Variants in RGS6 observed in about 807,000 individuals in gnomAD.
RGS6 encodes regulator of G-protein signaling 6.
In RGS6, 30 loss-of-function variants were observed where a neutral mutation model predicts 78.5. The ratio of observed to expected loss-of-function variants is 0.38; its 90% CI spans 0.29 to 0.52. The LOEUF (loss-of-function observed/expected upper bound fraction) is 0.52. RGS6 is among the 20% of genes least tolerant of loss of function. The pLI, the probability that RGS6 is intolerant of heterozygous loss-of-function variation, is 0.85. For missense variants in RGS6, 495 were observed against 609.7 expected (o/e 0.81, Z 1.98); for synonymous variants, 206 against 206.0 (o/e 1.00, Z 0.00).
intron 3 of RGS6, among the ~76,000 whole-genome samples, chr14:72,368,258 C>A (rs575387007): frequency 1.2e-3 from 187 of 152,234 alleles, no homozygotes; most frequent in African/African-American, 4.3e-3. Flanking sequence ...GAACCCACTC[C>A]TTGGATAGCT....
intron 3 of RGS6, among the ~76,000 whole-genome samples, chr14:72,449,965 CTCTT>C (rs1323226491): frequency 6.6e-6 from 1 of 152,212 alleles, no homozygotes; most frequent in Admixed American, 6.5e-5. Context: ...CAGAGGCCAG[CTCTT>C]TCTTCTCTCT....
At chr14:72,292,667 G>A (rs1208598722) in intron 2 of RGS6, among the ~76,000 whole-genome samples, 1 of 152,224 alleles carries the variant, frequency 6.6e-6, no homozygotes, top group East Asian at 1.9e-4. Flanking sequence ...CTTTCTGCAA[G>A]ATGAACTGAA....
chr14:71,981,640 C>G lies in RGS6; in HGVS notation c.84+16765C>G, dbSNP rs546244295. Among the ~76,000 whole-genome samples the G allele has an allele frequency of 8.6e-5, 13 of 151,750 alleles. No homozygotes were observed. In the East Asian group the frequency reaches 1.7e-3, roughly 20 times the overall value. On this transcript the variant is annotated intron_variant, in intron 2 of 17. Coordinates refer to ENST00000553525, the MANE Select transcript of RGS6 (RefSeq NM_001204424.2). ...GACCTACTTGAGGAGGCAGTCTGCC[C>G]GTTCTCAGATCTCCAGCTGCGTGCT...
At chr14:71,975,828 G>C (rs1006922811) in intron 2 of RGS6, among the ~76,000 whole-genome samples, 2 of 152,010 alleles carry the variant, frequency 1.3e-5, no homozygotes, top group African/African-American at 4.8e-5. Context: ...CTCTCTTCTT[G>C]GGATTGTGTT....
intron 16 of RGS6, among the ~76,000 whole-genome samples, chr14:72,537,998 G>A (rs1206749355): frequency 3.3e-5 from 5 of 152,218 alleles, no homozygotes; most frequent in Non-Finnish European, 5.9e-5. Flanking sequence ...CCTGGGAAAA[G>A]TTCCTTAGAG....
the RGS6 span, among the ~76,000 whole-genome samples, chr14:72,597,420 C>T: frequency 1.3e-5 from 2 of 152,194 alleles, no homozygotes; most frequent in African/African-American, 4.8e-5. Flanking sequence ...GGGCATTTGC[C>T]CAGCACCTGG....
intron 2 of RGS6, among the ~76,000 whole-genome samples, chr14:72,127,151 G>A (rs527385703): frequency 1.3e-5 from 2 of 152,306 alleles, no homozygotes; most frequent in African/African-American, 4.8e-5. Context: ...CTACCCAAGT[G>A]AGGAGACGAG....
At chr14:72,448,686 A>G (rs961747082) in intron 3 of RGS6, among the ~76,000 whole-genome samples, 3 of 152,300 alleles carry the variant, frequency 2.0e-5, no homozygotes, top group Non-Finnish European at 4.4e-5. Flanking sequence ...AATAGTACCA[A>G]TTATTATTAT....
At chr14:72,226,544 T>C (rs1009313303) in intron 2 of RGS6, among the ~76,000 whole-genome samples, 7 of 152,228 alleles carry the variant, frequency 4.6e-5, no homozygotes, top group African/African-American at 1.7e-4. Flanking sequence ...GCATATGCTG[T>C]GTAGTATCTC....
chr14:71,947,937 A>G (rs2091775574), intron 1 of RGS6, among the ~76,000 whole-genome samples: 1 of 152,192 alleles, frequency 6.6e-6, no homozygotes, highest in South Asian at 2.1e-4. Flanking sequence ...TAGTGTTGAT[A>G]GTGATGGGGA....
chr14:71,937,631 C>T (rs2089707039), intron 1 of RGS6, among the ~76,000 whole-genome samples: 1 of 152,160 alleles, frequency 6.6e-6, no homozygotes, highest in Admixed American at 6.5e-5. Context: ...AGCATGAACC[C>T]ACTGCCACAC....
At chr14:71,914,392 C>T in the RGS6 span, among the ~76,000 whole-genome samples, 3 of 152,174 alleles carry the variant, frequency 2.0e-5, no homozygotes, top group African/African-American at 7.2e-5. Context: ...GGAACCTACA[C>T]CAATGACCAA....
At chr14:72,028,570 G>C (rs796743665) in intron 2 of RGS6, among the ~76,000 whole-genome samples, 9 of 152,308 alleles carry the variant, frequency 5.9e-5, no homozygotes, top group African/African-American at 2.2e-4. Context: ...ATATCCTCAT[G>C]GTATGGTTTC....
At chr14:72,195,818 C>T (rs902195691) in intron 2 of RGS6, among the ~76,000 whole-genome samples, 1 of 152,210 alleles carries the variant, frequency 6.6e-6, no homozygotes. Flanking sequence ...GAGCCCTTTG[C>T]GTTTGCCAGT....
At chr14:72,460,797 G>A (rs1002434063) in intron 6 of RGS6, among the ~76,000 whole-genome samples, 2 of 152,114 alleles carry the variant, frequency 1.3e-5, no homozygotes, top group African/African-American at 4.8e-5. Flanking sequence ...AGGGAGATGT[G>A]CAGCTGGGTG....
the RGS6 span, among the ~76,000 whole-genome samples, chr14:71,879,370 G>A: frequency 6.6e-6 from 1 of 152,150 alleles, no homozygotes; most frequent in Non-Finnish European, 1.5e-5. Context: ...TAAGAGAATT[G>A]ACTTAACCTC....
chr14:72,597,202 G>A, the RGS6 span, among the ~76,000 whole-genome samples: 63,608 of 151,204 alleles, frequency 0.42, 14,461 homozygotes, highest in East Asian at 0.76. Context: ...TCGTGCCACT[G>A]CACTCCAGCC....
At chr14:72,102,885 T>G (rs914434164) in intron 2 of RGS6, among the ~76,000 whole-genome samples, 26 of 152,196 alleles carry the variant, frequency 1.7e-4, no homozygotes, top group African/African-American at 6.3e-4. Flanking sequence ...AAATCACAAG[T>G]TCACACTCAG....
intron 2 of RGS6, among the ~76,000 whole-genome samples, chr14:72,110,406 C>G (rs1316005906): frequency 2.6e-5 from 4 of 152,156 alleles, no homozygotes; most frequent in Non-Finnish European, 5.9e-5. Context: ...GGTCTGGGTG[C>G]CTCATTGGCC....
Sources: gnomAD v4.1 joint callset for allele counts (sites outside exome capture counted in the v4.1 genomes callset) on GRCh38, gnomAD v4.1.1 for gene constraint, MANE v1.5 for transcripts, NCBI Gene and HGNC (gene_info 2026-07-23, HGNC 2026-07-21) for gene names.